DYM: variants seen among roughly 807,000 people sequenced by gnomAD.
The protein encoded by DYM is dyggve-Melchior-Clausen syndrome protein.
A neutral mutation model predicts 93.1 loss-of-function variants in DYM; 78 were observed. The ratio of observed to expected loss-of-function variants is 0.84; its 90% CI spans 0.70 to 1.01. The LOEUF is 1.01. Among genes scored for constraint, DYM ranks in the 50% least tolerant of loss-of-function variants. The pLI is 0.00. For missense variants in DYM, 789 were observed against 845.0 expected (o/e 0.93, Z 0.82); for synonymous variants, 321 against 319.7 (o/e 1.00, Z -0.04).
intron 6 of DYM, among the ~76,000 whole-genome samples, chr18:49,342,105 T>C (rs1165182027): frequency 1.3e-5 from 2 of 152,154 alleles, no homozygotes; most frequent in African/African-American, 2.4e-5. Context: ...TCCTGTTCAT[T>C]TGGGTTTTTG....
chr18:49,385,585 C>T (rs2068525480), intron 3 of DYM, among the ~76,000 whole-genome samples: 1 of 151,976 alleles, frequency 6.6e-6, no homozygotes, highest in South Asian at 2.1e-4. Context: ...ATCCCAGCTA[C>T]TTGGGAGGCT....
chr18:49,099,536 T>C (rs2079911278), intron 16 of DYM, among the ~76,000 whole-genome samples: 1 of 152,208 alleles, frequency 6.6e-6, no homozygotes. Flanking sequence ...ACTACAGCAC[T>C]GATGTTTTAC....
intron 13 of DYM, among the ~76,000 whole-genome samples, chr18:49,235,969 C>T (rs2093847867): frequency 1.3e-5 from 2 of 152,022 alleles, no homozygotes; most frequent in Non-Finnish European, 1.5e-5. Context: ...TAATATGAAA[C>T]GTTTGATTTC....
At chr18:49,323,056 T>C (rs1159700183) in intron 8 of DYM, among the ~76,000 whole-genome samples, 1 of 152,154 alleles carries the variant, frequency 6.6e-6, no homozygotes, top group Non-Finnish European at 1.5e-5. Flanking sequence ...CATAGCTAGA[T>C]CCTCCAAAGG....
rs540636395 is a variant in DYM, at chr18:49,267,545, G to A, written c.1251+4633C>T. On this transcript the variant is annotated intron_variant, in intron 11 of 17. Transcript: ENST00000675505. ...TTTAAAAGGGGGTATGGCTATTCAA[G>A]AGCAAGATGAGCGATATAATTCTGT... is the stretch of plus-strand genomic sequence containing the variant. Among the ~76,000 whole-genome samples the A allele has an allele frequency of 5.3e-5, 8 of 152,278 alleles. No homozygotes were observed. The East Asian group carries it at 1.5e-3, about 29-fold the overall frequency.
chr18:49,450,962 A>G (rs1481651015), intron 1 of DYM, among the ~76,000 whole-genome samples: 7 of 152,256 alleles, frequency 4.6e-5, no homozygotes, highest in Non-Finnish European at 1.5e-5. Flanking sequence ...AGATTGTAAC[A>G]TTGGAAGAGA....
chr18:49,080,549 C>G (rs1473094802), intron 17 of DYM, among the ~76,000 whole-genome samples: 2 of 134,276 alleles, frequency 1.5e-5, no homozygotes, highest in Non-Finnish European at 3.2e-5. Flanking sequence ...CGGGCAGAGG[C>G]GCCCCTCACC....
chr18:49,257,161 A>C, intron 12 of DYM, 57 bp from the exon 13 acceptor site: 1 of 1,327,910 alleles, frequency 7.5e-7, no homozygotes. Flanking sequence ...TATTTTAACC[A>C]AGGTTAACTA....
At chr18:49,146,269 C>T (rs2085124771) in intron 15 of DYM, among the ~76,000 whole-genome samples, 1 of 152,186 alleles carries the variant, frequency 6.6e-6, no homozygotes, top group Non-Finnish European at 1.5e-5. Flanking sequence ...GAAGCATTCC[C>T]TTTGAAAACT....
At chr18:49,110,134 C>T (rs963872691) in intron 16 of DYM, among the ~76,000 whole-genome samples, 1 of 152,140 alleles carries the variant, frequency 6.6e-6, no homozygotes, top group Admixed American at 6.5e-5. Flanking sequence ...CATTGAATTA[C>T]AATTGTTGAG....
intron 1 of DYM, among the ~76,000 whole-genome samples, chr18:49,437,058 A>C (rs1277777817): frequency 1.4e-4 from 22 of 152,126 alleles, no homozygotes; most frequent in Admixed American, 1.4e-3. Flanking sequence ...AAAATTTGTC[A>C]GATGTTTCTG....
chr18:49,053,766 A>G (rs998241662), intron 17 of DYM, among the ~76,000 whole-genome samples: 3 of 152,162 alleles, frequency 2.0e-5, no homozygotes, highest in Admixed American at 2.0e-4. Context: ...TCCATATCCT[A>G]TTGCTGTGTA....
At chr18:49,351,415 A>G (rs1441493524) in intron 6 of DYM, among the ~76,000 whole-genome samples, 1 of 152,150 alleles carries the variant, frequency 6.6e-6, no homozygotes, top group Non-Finnish European at 1.5e-5. Flanking sequence ...GAGGGAAGAA[A>G]TGCACAAAGA....
chr18:49,083,579 T>G (rs547209399), intron 17 of DYM, among the ~76,000 whole-genome samples: 1 of 152,324 alleles, frequency 6.6e-6, no homozygotes, highest in East Asian at 1.9e-4. Context: ...TGTGTAGGAT[T>G]CACATTATTT....
intron 13 of DYM, among the ~76,000 whole-genome samples, chr18:49,217,441 A>C (rs2093123940): frequency 6.6e-6 from 1 of 152,122 alleles, no homozygotes; most frequent in Non-Finnish European, 1.5e-5. Context: ...CAACTCCAAG[A>C]CACATAATTG....
At chr18:49,227,188 A>C (rs1329580432) in intron 13 of DYM, among the ~76,000 whole-genome samples, 1 of 152,192 alleles carries the variant, frequency 6.6e-6, no homozygotes, top group Non-Finnish European at 1.5e-5. Flanking sequence ...TTTTGTACAA[A>C]CTGCCTCTTG....
At position 49,189,371 on chromosome 18, in the gene DYM, C is replaced by T. The variant is rs2090756370; in HGVS notation, c.1625+20180G>A. On this transcript the variant is annotated intron_variant, in intron 14 of 17. Transcript: ENST00000675505. Reference sequence around the variant, plus strand: ...TTCAACTGCTTCTTCTTTTCCAGGGCAAAAGAACTTTGCTTTCATAGTTCT... The same window carrying T: ...TTCAACTGCTTCTTCTTTTCCAGGGTAAAAGAACTTTGCTTTCATAGTTCT... 4.6e-5 allele frequency among the ~76,000 whole-genome samples: 7 copies of T among 152,194 alleles called. 1 individual carries two copies. In the South Asian group the frequency reaches 1.5e-3, roughly 32 times the overall value.
At chr18:49,372,845 G>T (rs2067173837) in intron 5 of DYM, among the ~76,000 whole-genome samples, 1 of 151,412 alleles carries the variant, frequency 6.6e-6, no homozygotes, top group Non-Finnish European at 1.5e-5. Context: ...AGAAAGAAAA[G>T]GTCTGTCAGT....
At chr18:49,455,272 C>CCTAA (rs2082886532) in intron 1 of DYM, among the ~76,000 whole-genome samples, 1 of 152,136 alleles carries the variant, frequency 6.6e-6, no homozygotes, top group Non-Finnish European at 1.5e-5. Flanking sequence ...TATCTAACTG[C>CCTAA]CTAACATCTA....
Sources: gnomAD v4.1 joint callset for allele counts (sites outside exome capture counted in the v4.1 genomes callset) on GRCh38, gnomAD v4.1.1 for gene constraint, MANE v1.5 for transcripts, NCBI Gene and HGNC (gene_info 2026-07-23, HGNC 2026-07-21) for gene names.